MPHOSPH8: variants seen among roughly 807,000 people sequenced by gnomAD.
The protein encoded by MPHOSPH8 is M-phase phosphoprotein 8.
MPHOSPH8 carries 45 observed loss-of-function variants against 87.3 expected under a neutral mutation model. That is an observed-to-expected ratio of 0.52 (90% CI 0.41 to 0.66). MPHOSPH8 has a LOEUF of 0.66. MPHOSPH8 is among the 30% of genes least tolerant of loss of function. The pLI is 0.00. For synonymous variants in MPHOSPH8, 366 were observed against 376.9 expected (o/e 0.97, Z 0.33); for missense variants, 883 against 1,020.2 (o/e 0.87, Z 1.83).
At chr13:19,659,664 CAAAAAA>C (rs563692515) in intron 7 of MPHOSPH8, 2 of 322,310 alleles carry the variant, frequency 6.2e-6, no homozygotes, top group African/African-American at 2.7e-5. Flanking sequence ...ACTCCCATCT[CAAAAAA>C]AAAAAAAATA....
chr13:19,637,209 C>T (rs1306234109), intron 1 of MPHOSPH8, among the ~76,000 whole-genome samples: 1 of 152,164 alleles, frequency 6.6e-6, no homozygotes, highest in East Asian at 1.9e-4. Context: ...TTCCTTAATA[C>T]TTGAAAATTG....
chr13:19,650,286 T>C, intron 5 of MPHOSPH8, 26 bp downstream of exon 5: 1 of 1,605,404 alleles, frequency 6.2e-7, no homozygotes, highest in South Asian at 1.1e-5. Context: ...TTTTGCAGAA[T>C]TTTTCAAGGT....
chr13:19,640,004 G>A (rs1320887982), intron 1 of MPHOSPH8, among the ~76,000 whole-genome samples: 1 of 152,080 alleles, frequency 6.6e-6, no homozygotes, highest in African/African-American at 2.4e-5. Context: ...TACTTGGGAG[G>A]CTGAGCGATG....
In MPHOSPH8 at chr13:19,663,267, GAGA is replaced by G. The variant is rs1201402679; in HGVS notation, c.2019+144_2019+146del. ...GTCCTAGAGTCAGCCGCTTGCAGGG[GAGA>G]AGGAGAAGCGGGCTGGCAGGGTAGC... On this transcript the variant is annotated intron_variant, in intron 9 of 13. Coordinates refer to ENST00000361479, the MANE Select transcript of MPHOSPH8 (RefSeq NM_017520.4). 1.1e-4 allele frequency: 83 copies of G among 727,850 alleles called. No individual in the cohort carries two copies. The East Asian group carries it at 2.0e-3, about 18-fold the overall frequency. 45.1% of individuals were successfully genotyped at this position (727,850 alleles called of 1,614,324 possible).
chr13:19,666,536 A>G lies in MPHOSPH8; in HGVS notation c.2131A>G (p.Asn711Asp), dbSNP rs921856841. The G allele has an allele frequency of 5.0e-6, 8 of 1,601,766 alleles. No homozygotes were observed. The highest frequency in any genetic ancestry group is 1.7e-5 in the Admixed American group (1 of 59,874). The change falls in exon 10 of 14, where the codon AAC becomes GAC. Residue 711 changes from asparagine to aspartate, a missense_variant. Asn to Asp is a conservative substitution (Grantham distance 23). Transcript: ENST00000361479. ...NSALHFAKQS[N>D]NVLVYDLLKN... ...TGCCCTGCACTTTGCGAAGCAGTCT[A>G]ACAATGTGCTTGTGTACGACTTGCT...
intron 8 of MPHOSPH8, among the ~76,000 whole-genome samples, chr13:19,662,173 T>G (rs1308069228): frequency 1.3e-5 from 2 of 152,172 alleles, no homozygotes; most frequent in Non-Finnish European, 2.9e-5. Flanking sequence ...TCTCCTGACC[T>G]CGTGATCTGC....
At position 19,646,530 on chromosome 13, in the gene MPHOSPH8, A is replaced by G. The variant is rs1874572489; in HGVS notation, c.457A>G (p.Lys153Glu). ...AAAAGAAGATACTTCCCCAAAGAAGAAAAAGAAAAAATTGAGGCAGAGAGA... is the reference window on the plus strand; with the variant it reads ...AAAAGAAGATACTTCCCCAAAGAAGGAAAAGAAAAAATTGAGGCAGAGAGA... ...ETKEDTSPKK[K>E]KKKLRQREEK... The change falls in exon 3 of 14, where the codon AAA becomes GAA. Residue 153 changes from lysine (K) to glutamate (E), a missense_variant. Lys to Glu is a moderately conservative substitution (Grantham distance 56, BLOSUM62 1). This residue lies in a region of MPHOSPH8 where 741 missense variants were observed against 841.5 expected (regional missense o/e 0.88). Transcript: ENST00000361479. 6.3e-7 allele frequency: 1 copy of G among 1,575,068 alleles called. No homozygotes were observed.
intron 2 of MPHOSPH8, among the ~76,000 whole-genome samples, chr13:19,645,977 C>T (rs557995111): frequency 6.6e-6 from 1 of 152,198 alleles, no homozygotes; most frequent in East Asian, 1.9e-4. Flanking sequence ...TGTGTGCAGT[C>T]TTGCTTGTTC....
At chr13:19,653,941 G>A (rs571751151) in intron 5 of MPHOSPH8, among the ~76,000 whole-genome samples, 48 of 152,256 alleles carry the variant, frequency 3.2e-4, no homozygotes, top group African/African-American at 1.0e-3. Flanking sequence ...ATTAGTGTAC[G>A]TGAAAGTGAC....
chr13:19,646,432 G>A lies in MPHOSPH8; in HGVS notation c.370-11G>A. On this transcript the variant is annotated splice_polypyrimidine_tract_variant and intron_variant, in intron 2 of 13. Coordinates refer to ENST00000361479, the MANE Select transcript of MPHOSPH8 (RefSeq NM_017520.4). The stretch of plus-strand genomic sequence containing the variant: ...GTTAATGAATATTTTAATCTGTTTT[G>A]TATTTTATAGAGACTATCCTTAAAT... 1.4e-6 allele frequency: 2 copies of A among 1,436,558 alleles called. No homozygotes were observed. Among genetic ancestry groups the A allele is most frequent in the Non-Finnish European group, 1.8e-6 (2 of 1,093,880 alleles). The allele number at this position is 1,436,558 out of a possible 1,614,324, so 89.0% of individuals were successfully genotyped here. A position where few individuals can be genotyped will look rare whatever the true frequency, so the allele number is the denominator to read the frequency against.
intron 9 of MPHOSPH8, 73 bp downstream of exon 9, chr13:19,663,199 A>C: frequency 7.7e-7 from 1 of 1,305,070 alleles, no homozygotes; most frequent in East Asian, 2.3e-5. Flanking sequence ...TGCCACTGCC[A>C]GGCACTGTGC....
intron 1 of MPHOSPH8, among the ~76,000 whole-genome samples, chr13:19,639,057 TG>T (rs1209527508): frequency 7.1e-6 from 1 of 140,406 alleles, no homozygotes; most frequent in Non-Finnish European, 1.5e-5. Context: ...CACTCCAGCC[TG>T]GGCAACAGAG....
At chr13:19,662,817 C>T (rs1231831562) in intron 8 of MPHOSPH8, among the ~76,000 whole-genome samples, 4 of 152,218 alleles carry the variant, frequency 2.6e-5, no homozygotes, top group Non-Finnish European at 5.9e-5. Flanking sequence ...TAGGTTGGAG[C>T]TAGCGGTTCC....
intron 10 of MPHOSPH8, among the ~76,000 whole-genome samples, chr13:19,668,168 G>C (rs1875918557): frequency 6.6e-6 from 1 of 152,206 alleles, no homozygotes. Context: ...GAAGAGACTT[G>C]CCTTCTTAGA....
intron 12 of MPHOSPH8, chr13:19,670,879 C>T (rs111334144): frequency 3.3e-5 from 35 of 1,054,280 alleles, no homozygotes; most frequent in African/African-American, 8.2e-5. Flanking sequence ...AGTGCAGTGG[C>T]GCGGATTACA....
Position 19,673,088 on chromosome 13 carries a change from G to GTT in MPHOSPH8, c.*1221_*1222dup. On this transcript the variant is annotated 3_prime_UTR_variant, in exon 14 of 14. Transcript: ENST00000361479. ...AAAAAAGTTTCTTGGAACCTATACG[G>GTT]TTTTTTTTTGTTTTTTTTTTTTGAA... The GTT allele has an allele frequency of 1.0e-5, 3 of 292,958 alleles. No homozygotes were observed. The highest frequency in any genetic ancestry group is 4.2e-5 in the Admixed American group (1 of 23,606). The allele number at this position is 292,958 out of a possible 1,614,324, so 18.1% of individuals were successfully genotyped here.
chr13:19,636,774 G>A (rs1433339905), intron 1 of MPHOSPH8, among the ~76,000 whole-genome samples: 2 of 151,990 alleles, frequency 1.3e-5, no homozygotes, highest in African/African-American at 2.4e-5. Context: ...ACTGTGCCAG[G>A]CCAATTTTTT....
At chr13:19,638,093 T>G (rs543187117) in intron 1 of MPHOSPH8, among the ~76,000 whole-genome samples, 1,519 of 146,356 alleles carry the variant, frequency 0.01, 20 homozygotes, top group Middle Eastern at 0.018. Context: ...AGAGTGAGAC[T>G]CCATCTCAAA....
intron 5 of MPHOSPH8, among the ~76,000 whole-genome samples, chr13:19,656,147 C>T (rs1875152317): frequency 6.6e-6 from 1 of 151,902 alleles, no homozygotes; most frequent in African/African-American, 2.4e-5. Context: ...GGCAGGATGG[C>T]ACATACCTGT....
Sources: allele counts gnomAD v4.1 joint callset (sites outside exome capture counted in the v4.1 genomes callset), GRCh38; gene constraint gnomAD v4.1.1; regional missense constraint gnomAD v4.1.1; transcripts MANE v1.5; gene names NCBI Gene and HGNC (gene_info 2026-07-23, HGNC 2026-07-21).